TCFL5: variants seen among roughly 807,000 people sequenced by gnomAD.
The protein encoded by TCFL5 is transcription factor-like 5 protein.
A neutral mutation model predicts 44.3 loss-of-function variants in TCFL5; 9 were observed. The observed-to-expected ratio is 0.20, with a 90% CI of 0.12 to 0.35. TCFL5 has a LOEUF of 0.35. TCFL5 is among the 10% of genes least tolerant of loss of function. The pLI is 1.00. For synonymous variants in TCFL5, 319 were observed against 271.6 expected (o/e 1.17, Z -1.72); for missense variants, 603 against 613.4 (o/e 0.98, Z 0.18).
Position 62,841,812 on chromosome 20 carries a change from A to G in TCFL5, c.*163T>C, listed in dbSNP as rs1169647460. The stretch of plus-strand genomic sequence containing the variant: ...GATAAGCATTTGCGTCTAGATAAAT[A>G]TTTTTACAAAATGTGCTCTCAAAGT... On this transcript the variant is annotated 3_prime_UTR_variant, in exon 6 of 6. Coordinates refer to ENST00000335351, the MANE Select transcript of TCFL5 (RefSeq NM_006602.4). 1 of 834,296 alleles carries G rather than the reference A, an allele frequency of 1.2e-6. No individual in the cohort carries two copies. Among genetic ancestry groups the G allele is most frequent in the Non-Finnish European group, 1.7e-6 (1 of 579,374 alleles). 51.7% of individuals were successfully genotyped at this position (834,296 alleles called of 1,614,324 possible). A position where few individuals can be genotyped will look rare whatever the true frequency, so the allele number is the denominator to read the frequency against.
At chr20:62,845,863 G>C (rs1299481970) in intron 5 of TCFL5, 1 of 1,578,506 alleles carries the variant, frequency 6.3e-7, no homozygotes, top group Non-Finnish European at 8.6e-7. Context: ...TTTGCGTGTG[G>C]AGAAACAGTG....
chr20:62,844,788 G>A (rs1243568081), intron 5 of TCFL5: 4 of 757,790 alleles, frequency 5.3e-6, no homozygotes, highest in Admixed American at 6.3e-5. Flanking sequence ...TAGAGACAGG[G>A]TTTCACCATG....
At chr20:62,850,495 C>G (rs1405303621) in intron 5 of TCFL5, among the ~76,000 whole-genome samples, 1 of 152,090 alleles carries the variant, frequency 6.6e-6, no homozygotes, top group Non-Finnish European at 1.5e-5. Flanking sequence ...ACTGGTACCG[C>G]CACAAACACA....
At chr20:62,858,644 T>C (rs2063934003) in intron 3 of TCFL5, among the ~76,000 whole-genome samples, 1 of 145,126 alleles carries the variant, frequency 6.9e-6, no homozygotes, top group African/African-American at 2.6e-5. Flanking sequence ...CGCAGGTGTT[T>C]CCCAGGGAGG....
chr20:62,850,925 C>T (rs1194266259), intron 5 of TCFL5, among the ~76,000 whole-genome samples: 1 of 152,102 alleles, frequency 6.6e-6, no homozygotes. Flanking sequence ...GCACCTTCCA[C>T]CCGCAAGGCC....
At chr20:62,851,722 C>T in intron 5 of TCFL5, 4 of 985,416 alleles carry the variant, frequency 4.1e-6, no homozygotes, top group Non-Finnish European at 4.8e-6. Context: ...AGAGACAAGA[C>T]AAACTATTGC....
At position 62,841,968 on chromosome 20, in the gene TCFL5, A is replaced by G. The variant is rs753447877; in HGVS notation, c.*7T>C. The G allele has an allele frequency of 8.7e-6, 14 of 1,613,992 alleles. No homozygotes were observed. Among genetic ancestry groups the G allele is most frequent in the Non-Finnish European group, 1.0e-5 (12 of 1,180,000 alleles). Reference sequence around the variant, plus strand: ...GTTCACCCCCCGAGGATTCCTGTTCAGTCCGATCACTTGATCTCCATCGAG... The same window carrying G: ...GTTCACCCCCCGAGGATTCCTGTTCGGTCCGATCACTTGATCTCCATCGAG... On this transcript the variant is annotated 3_prime_UTR_variant, in exon 6 of 6. Transcript: ENST00000335351.
At chr20:62,847,478 A>C (rs540374882) in intron 5 of TCFL5, among the ~76,000 whole-genome samples, 4 of 152,394 alleles carry the variant, frequency 2.6e-5, no homozygotes, top group Admixed American at 2.6e-4. Flanking sequence ...ACTGAGCCCC[A>C]GAAAGACTCC....
intron 5 of TCFL5, chr20:62,851,931 C>T (rs1195541619): frequency 1.3e-6 from 1 of 794,944 alleles, no homozygotes; most frequent in Non-Finnish European, 1.5e-6. Flanking sequence ...GCTTCAACCT[C>T]CTGAGTAGCT....
chr20:62,851,730 T>C, intron 5 of TCFL5: 1 of 985,408 alleles, frequency 1.0e-6, no homozygotes, highest in South Asian at 4.7e-5. Context: ...GACAAACTAT[T>C]GCCTGGCGCT....
intron 5 of TCFL5, among the ~76,000 whole-genome samples, chr20:62,851,306 A>C (rs1338393510): frequency 1.3e-5 from 2 of 152,246 alleles, no homozygotes; most frequent in Non-Finnish European, 2.9e-5. Flanking sequence ...AATTACATTT[A>C]AGAAATATTC....
intron 5 of TCFL5, chr20:62,852,477 G>C: frequency 1.0e-6 from 1 of 985,486 alleles, no homozygotes; most frequent in Non-Finnish European, 1.2e-6. Context: ...GGGGCTGACT[G>C]AACTCCTGCA....
intron 2 of TCFL5, among the ~76,000 whole-genome samples, chr20:62,859,835 C>T (rs2063962221): frequency 6.6e-6 from 1 of 152,012 alleles, no homozygotes; most frequent in African/African-American, 2.4e-5. Flanking sequence ...ATTCTCCCGC[C>T]TCAGCCTCCT....
Position 62,860,171 on chromosome 20 carries a change from G to C in TCFL5, c.785C>G (p.Thr262Arg), listed in dbSNP as rs2063970454. ...ATTTCCACTAGTAGAGCAAGCATTT[G>C]TAGTAAACAGTGGGTATGTAAATTG... ...ALQFTYPLFTTNACSTSGNSN... is the reference protein window; with the variant it reads ...ALQFTYPLFTRNACSTSGNSN... Residue 262 changes from threonine (T) to arginine (R), a missense_variant, in exon 2 of 6, where the codon ACA becomes AGA. Thr to Arg is a moderately conservative substitution (Grantham distance 71, BLOSUM62 -1). Coordinates refer to ENST00000335351, the MANE Select transcript of TCFL5 (RefSeq NM_006602.4). 6.2e-7 allele frequency: 1 copy of C among 1,613,572 alleles called. No individual in the cohort carries two copies. The highest frequency in any genetic ancestry group is 1.3e-5 in the African/African-American group (1 of 74,936).
chr20:62,847,337 G>T (rs1362643683), intron 5 of TCFL5, among the ~76,000 whole-genome samples: 1 of 151,992 alleles, frequency 6.6e-6, no homozygotes, highest in Non-Finnish European at 1.5e-5. Flanking sequence ...TTCAACCCAA[G>T]ATACCAGAAA....
intron 5 of TCFL5, among the ~76,000 whole-genome samples, chr20:62,847,687 C>CCA (rs1288818986): frequency 1.3e-5 from 2 of 152,236 alleles, no homozygotes; most frequent in Non-Finnish European, 2.9e-5. Flanking sequence ...GAGAGGCCCT[C>CCA]CAGTGGCCAT....
In TCFL5 at chr20:62,861,383, C is replaced by G; in HGVS notation, c.288G>C (p.Ala96=). The change falls in exon 1 of 6, where the codon GCG becomes GCC. Residue 96 remains alanine, a synonymous_variant. Coordinates refer to ENST00000335351, the MANE Select transcript of TCFL5 (RefSeq NM_006602.4). The surrounding 1 kb of genome is among the most constrained non-coding windows in gnomAD (Gnocchi z 4.0). ...CGGGCGCCGCGCCCCCCTGACCGCCCGCCGCGAAGCCGCCCGCGCCTGCGC... is the reference window on the plus strand; with the variant it reads ...CGGGCGCCGCGCCCCCCTGACCGCCGGCCGCGAAGCCGCCCGCGCCTGCGC... ...GPGAGAGGFA[A]GGQGGAAPVY... 1 of 1,074,660 alleles carries G rather than the reference C, an allele frequency of 9.3e-7. No individual in the cohort carries two copies. Among genetic ancestry groups the G allele is most frequent in the Non-Finnish European group, 1.1e-6 (1 of 891,588 alleles). 66.6% of individuals were successfully genotyped at this position (1,074,660 alleles called of 1,614,324 possible). A position where few individuals can be genotyped will look rare whatever the true frequency, so the allele number is the denominator to read the frequency against.
At chr20:62,853,899 T>C (rs1169443740) in intron 5 of TCFL5, 117 bp downstream of exon 5, 3 of 1,084,158 alleles carry the variant, frequency 2.8e-6, no homozygotes, top group Non-Finnish European at 4.1e-6. Context: ...CTGGACTTAG[T>C]ATTTGATGTT....
chr20:62,842,014 C>T lies in TCFL5; in HGVS notation c.1464G>A (p.Gln488=). ...TCGAGGGGCTGCTCTGTAAACTCCC[C>T]TGTGCAGGACAGGTCACCAAGGAGT... ...RPDSLVTCPA[Q]GSLQSSPSME... Residue 488 remains glutamine (Q), a synonymous_variant, in exon 6 of 6, where the codon CAG becomes CAA. Coordinates refer to ENST00000335351, the MANE Select transcript of TCFL5 (RefSeq NM_006602.4). This position sits in a 1 kb window ranked among gnomAD's most constrained non-coding sequence, Gnocchi z 4.3. The T allele has an allele frequency of 6.2e-7, 1 of 1,614,218 alleles. No individual in the cohort carries two copies. Among genetic ancestry groups the T allele is most frequent in the Non-Finnish European group, 8.5e-7 (1 of 1,180,030 alleles).
Sources: gnomAD v4.1 joint callset for allele counts (sites outside exome capture counted in the v4.1 genomes callset) on GRCh38, gnomAD v4.1.1 for gene constraint, Gnocchi (gnomAD v3.1) non-coding constraint, MANE v1.5 for transcripts, NCBI Gene and HGNC (gene_info 2026-07-23, HGNC 2026-07-21) for gene names.